CPS1: variants seen among roughly 807,000 people sequenced by gnomAD.
CPS1 encodes carbamoyl-phosphate synthase [ammonia], mitochondrial.
Under a neutral mutation model 174.6 loss-of-function variants are expected in CPS1, and 109 were observed. The observed-to-expected ratio is 0.62, with a 90% CI of 0.53 to 0.73. The LOEUF is 0.73. CPS1 is among the 30% of genes least tolerant of loss of function. The pLI is 0.00. For missense variants in CPS1, 1,689 were observed against 1,821.9 expected, an observed-to-expected ratio of 0.93 and a Z score of 1.33; for synonymous variants, 637 against 632.0, an observed-to-expected ratio of 1.01 and a Z score of -0.12.
chr2:210,564,499 C>G (rs1697219363), intron 1 of CPS1, among the ~76,000 whole-genome samples: 1 of 152,038 alleles, frequency 6.6e-6, no homozygotes, highest in African/African-American at 2.4e-5. Context: ...CCTCAGCCTC[C>G]CGAGTAGCTG....
intron 1 of CPS1, among the ~76,000 whole-genome samples, chr2:210,547,876 G>C (rs1696604443): frequency 6.6e-6 from 1 of 151,874 alleles, no homozygotes; most frequent in African/African-American, 2.4e-5. Flanking sequence ...TTTTATAACT[G>C]GGCCTTCATA....
At chr2:210,577,627 A>G in intron 4 of CPS1, 117 bp downstream of exon 4, 2 of 816,330 alleles carry the variant, frequency 2.4e-6, no homozygotes, top group Non-Finnish European at 4.4e-6. Context: ...TTTGCATTTC[A>G]GAGAGGGATT....
At position 210,590,161 on chromosome 2, in the gene CPS1, A is replaced by G; in HGVS notation, c.767A>G (p.Tyr256Cys). ...PWNHDFTKME[Y>C]DGILIAGGPG... ...AACCATGATTTCACCAAGATGGAGT[A>G]TGATGGGATTTTGATCGCGGGAGGA... The change falls in exon 8 of 38, where the codon TAT becomes TGT. Residue 256 changes from tyrosine (Y) to cysteine (C), a missense_variant. By Grantham distance (194) the Tyr-to-Cys change is radical. Coordinates refer to ENST00000233072, the MANE Select transcript of CPS1 (RefSeq NM_001875.5). The G allele has an allele frequency of 6.2e-7, 1 of 1,612,970 alleles. No homozygotes were observed. The highest frequency in any genetic ancestry group is 2.2e-5 in the East Asian group (1 of 44,834).
chr2:210,518,183 T>C (rs906262442), intron 1 of CPS1, among the ~76,000 whole-genome samples: 1 of 152,080 alleles, frequency 6.6e-6, no homozygotes, highest in African/African-American at 2.4e-5. Flanking sequence ...TGTGAGTTTC[T>C]AATTTTATAA....
chr2:210,482,678 G>GAGAGAGAGAGAGAGAA (rs1559729500), intron 1 of CPS1, among the ~76,000 whole-genome samples: 4 of 16,700 alleles, frequency 2.4e-4, no homozygotes, highest in South Asian at 4.6e-3. Flanking sequence ...GAGAGAGAAA[G>GAGAGAGAGAGAGAGAA]AGAGAGAGAG....
intron 10 of CPS1, 106 bp downstream of exon 10, chr2:210,592,075 T>A: frequency 8.0e-7 from 1 of 1,253,282 alleles, no homozygotes. Flanking sequence ...CATGTGATAT[T>A]TTGATACATG....
chr2:210,637,874 C>T, intron 22 of CPS1, 31 bp downstream of exon 22: 1 of 1,612,998 alleles, frequency 6.2e-7, no homozygotes, highest in Non-Finnish European at 8.5e-7. Context: ...CCCCATCCCC[C>T]ACTGACAGGA....
chr2:210,594,101 T>A (rs1698399223), intron 11 of CPS1, among the ~76,000 whole-genome samples: 1 of 151,874 alleles, frequency 6.6e-6, no homozygotes, highest in African/African-American at 2.4e-5. Context: ...CTTCAGAAAC[T>A]GTTTTTTAGA....
At chr2:210,671,803 G>GA (rs1332621849) in intron 34 of CPS1, 13 of 152,142 alleles carry the variant, frequency 8.5e-5, no homozygotes, top group African/African-American at 3.1e-4. Context: ...GGACAACACT[G>GA]AAACAGCTCC....
chr2:210,622,814 G>A (rs1216503283), intron 21 of CPS1, among the ~76,000 whole-genome samples: 2 of 149,324 alleles, frequency 1.3e-5, no homozygotes, highest in African/African-American at 2.5e-5. Flanking sequence ...AAAAGTGAGA[G>A]TACAATTACC....
At chr2:210,609,300 C>T (rs942498538) in intron 19 of CPS1, among the ~76,000 whole-genome samples, 16 of 151,918 alleles carry the variant, frequency 1.1e-4, no homozygotes, top group African/African-American at 3.9e-4. Context: ...TGCCTCCTTC[C>T]ACCAAGTCCT....
chr2:210,479,808 T>C (rs918223607), intron 1 of CPS1, among the ~76,000 whole-genome samples: 11 of 152,354 alleles, frequency 7.2e-5, no homozygotes, highest in African/African-American at 2.4e-4. Context: ...GATGATTTTT[T>C]AAAAAAATGT....
intron 1 of CPS1, among the ~76,000 whole-genome samples, chr2:210,501,253 G>A (rs1695132220): frequency 6.6e-6 from 1 of 152,206 alleles, no homozygotes; most frequent in South Asian, 2.1e-4. Flanking sequence ...GACATACCCT[G>A]GGGACATTTT....
intron 1 of CPS1, among the ~76,000 whole-genome samples, chr2:210,498,101 C>T (rs1300248434): frequency 6.6e-6 from 1 of 151,394 alleles, no homozygotes; most frequent in South Asian, 2.1e-4. Context: ...TTTTTAATAA[C>T]GGCCATTCTT....
chr2:210,489,867 G>T (rs903241478), intron 1 of CPS1, among the ~76,000 whole-genome samples: 1 of 151,908 alleles, frequency 6.6e-6, no homozygotes, highest in Non-Finnish European at 1.5e-5. Context: ...GCGTGGTGGC[G>T]GACGCCTGTA....
Position 210,650,436 on chromosome 2 carries a change from C to G in CPS1, c.3478C>G (p.Gln1160Glu). 6.2e-7 allele frequency: 1 copy of G among 1,606,178 alleles called. No homozygotes were observed. Among genetic ancestry groups the G allele is most frequent in the Non-Finnish European group, 8.5e-7 (1 of 1,172,910 alleles). Reference protein sequence around the residue: ...KFLEEATRVSQEHPVVLTKFV... With the variant: ...KFLEEATRVSEEHPVVLTKFV... ...CCTAGAAGAGGCGACTAGAGTTTCTCAGGTAGTGTCCAATTTCTTTGTAGT... is the reference window on the plus strand; with the variant it reads ...CCTAGAAGAGGCGACTAGAGTTTCTGAGGTAGTGTCCAATTTCTTTGTAGT... Residue 1160 changes from glutamine (Q) to glutamate (E), a missense_variant and splice_region_variant, in exon 28 of 38, where the codon CAG becomes GAG. Gln to Glu is a conservative substitution (Grantham distance 29). Transcript: ENST00000233072.
chr2:210,503,651 G>A (rs950458817), intron 1 of CPS1, among the ~76,000 whole-genome samples: 1 of 151,930 alleles, frequency 6.6e-6, no homozygotes, highest in Non-Finnish European at 1.5e-5. Flanking sequence ...AAAAATTTTA[G>A]GAATCCAAAA....
intron 21 of CPS1, 62 bp downstream of exon 21, chr2:210,616,603 T>A: frequency 1.0e-6 from 1 of 980,410 alleles, no homozygotes; most frequent in Non-Finnish European, 1.7e-6. Flanking sequence ...AAGAGTCTTC[T>A]TCCTACTCTT....
At chr2:210,633,042 T>G (rs1198042541) in intron 21 of CPS1, among the ~76,000 whole-genome samples, 1 of 152,200 alleles carries the variant, frequency 6.6e-6, no homozygotes, top group Non-Finnish European at 1.5e-5. Context: ...AAGGTGCAGG[T>G]CTAGCTTGAT....
Sources: gnomAD v4.1 joint callset for allele counts (sites outside exome capture counted in the v4.1 genomes callset) on GRCh38, gnomAD v4.1.1 for gene constraint, MANE v1.5 for transcripts, NCBI Gene and HGNC (gene_info 2026-07-23, HGNC 2026-07-21) for gene names.